The following BCAR3 variants were observed in gnomAD, a reference collection of about 807,000 sequenced individuals.
The protein encoded by BCAR3 is BCAR3 adaptor protein, NSP family member.
In BCAR3, 37 loss-of-function variants were observed where a neutral mutation model predicts 80.1. The ratio of observed to expected loss-of-function variants is 0.46; its 90% confidence interval spans 0.36 to 0.61. The LOEUF is 0.61. BCAR3 is among the 20% of genes least tolerant of loss of function. The pLI is 0.00. For synonymous variants in BCAR3, 389 were observed against 418.9 expected, an observed-to-expected ratio of 0.93 and a Z score of 0.87; for missense variants, 978 against 1,068.2, an observed-to-expected ratio of 0.92 and a Z score of 1.18.
At position 93,582,907 on chromosome 1, in the gene BCAR3, G is replaced by A. The variant is rs750760755; in HGVS notation, c.1080C>T (p.Cys360=). 1.2e-6 allele frequency: 2 copies of A among 1,605,528 alleles called. No individual in the cohort carries two copies. The highest frequency in any genetic ancestry group is 3.3e-5 in the Admixed American group (2 of 59,980). The part of the protein sequence containing the change: ...PQSSGVDTSP[C]PNSPVFRTGS... Reference sequence around the variant, plus strand: ...CCGTCCTGAACACAGGTGAGTTTGGGCAGGGGCTTGTGTCCACACCCGAGG... The same window carrying A: ...CCGTCCTGAACACAGGTGAGTTTGGACAGGGGCTTGTGTCCACACCCGAGG... The change falls in exon 7 of 12, where the codon TGC becomes TGT. Residue 360 remains cysteine, a synonymous_variant. Transcript: ENST00000260502.
At chr1:93,777,598 T>G (rs1037534726) in intron 2 of BCAR3, among the ~76,000 whole-genome samples, 6 of 151,974 alleles carry the variant, frequency 3.9e-5, no homozygotes, top group Non-Finnish European at 8.8e-5. Context: ...ATTTAAAATT[T>G]TTTTTTGTAG....
chr1:93,619,941 C>A (rs988133846), intron 3 of BCAR3, among the ~76,000 whole-genome samples: 1 of 152,188 alleles, frequency 6.6e-6, no homozygotes, highest in South Asian at 2.1e-4. Flanking sequence ...CTTCTCTGAG[C>A]CTTAGTTTCC....
intron 7 of BCAR3, among the ~76,000 whole-genome samples, chr1:93,578,278 C>T (rs1673539490): frequency 6.6e-6 from 1 of 152,206 alleles, no homozygotes; most frequent in Non-Finnish European, 1.5e-5. Flanking sequence ...ATGAGATTGC[C>T]TGGCTCCACT....
At chr1:93,790,701 G>C (rs1209043689) in intron 2 of BCAR3, among the ~76,000 whole-genome samples, 3 of 87,118 alleles carry the variant, frequency 3.4e-5, no homozygotes, top group African/African-American at 1.6e-4. Context: ...TGTGCACATT[G>C]TGCAGGTTAG....
chr1:93,702,013 G>C (rs1037233476), intron 3 of BCAR3, among the ~76,000 whole-genome samples: 4 of 152,264 alleles, frequency 2.6e-5, no homozygotes, highest in South Asian at 2.1e-4. Context: ...GGTGGGGTTG[G>C]GGGTGGACAC....
intron 2 of BCAR3, among the ~76,000 whole-genome samples, chr1:93,806,307 T>G (rs1416018915): frequency 6.6e-6 from 1 of 152,212 alleles, no homozygotes; most frequent in East Asian, 1.9e-4. Flanking sequence ...TGGTTGAGGC[T>G]TAAATATTCT....
At chr1:93,638,112 G>C (rs1675852081) in intron 3 of BCAR3, among the ~76,000 whole-genome samples, 2 of 152,212 alleles carry the variant, frequency 1.3e-5, no homozygotes, top group South Asian at 4.1e-4. Context: ...AGCCAGCTGT[G>C]GTGGCAGACG....
At chr1:93,797,170 C>A (rs1398587808) in intron 2 of BCAR3, among the ~76,000 whole-genome samples, 1 of 152,196 alleles carries the variant, frequency 6.6e-6, no homozygotes, top group Non-Finnish European at 1.5e-5. Flanking sequence ...TGAACCCATG[C>A]TTTTTCTGAT....
At chr1:93,783,664 T>C (rs1652842946) in intron 2 of BCAR3, among the ~76,000 whole-genome samples, 1 of 152,172 alleles carries the variant, frequency 6.6e-6, no homozygotes, top group Non-Finnish European at 1.5e-5. Flanking sequence ...GAAAAACATA[T>C]TCAGTATGGA....
chr1:93,643,916 G>A (rs1676075844), intron 2 of BCAR3, among the ~76,000 whole-genome samples: 1 of 152,136 alleles, frequency 6.6e-6, no homozygotes, highest in Admixed American at 6.6e-5. Context: ...TACATACTGA[G>A]GACTAAGCTC....
At chr1:93,613,987 G>A in intron 3 of BCAR3, 2 of 1,546,114 alleles carry the variant, frequency 1.3e-6, no homozygotes, top group South Asian at 1.2e-5. Context: ...AAGAAAGGGG[G>A]CTTCGGACGT....
chr1:93,687,394 G>A (rs1003228617), intron 3 of BCAR3, among the ~76,000 whole-genome samples: 4 of 152,110 alleles, frequency 2.6e-5, no homozygotes, highest in African/African-American at 4.8e-5. Context: ...TGCAAACTCC[G>A]TCTCTTGGGT....
intron 2 of BCAR3, among the ~76,000 whole-genome samples, chr1:93,653,665 C>CCTTAACAACAA (rs1557641204): frequency 6.6e-6 from 1 of 152,110 alleles, no homozygotes; most frequent in Non-Finnish European, 1.5e-5. Flanking sequence ...CTTAACAGAC[C>CCTTAACAACAA]CAACAAAGCT....
chr1:93,567,525 A>T (rs538669779), intron 10 of BCAR3, 34 bp from the exon 11 acceptor site: 2 of 1,604,552 alleles, frequency 1.2e-6, no homozygotes, highest in Admixed American at 3.4e-5. Flanking sequence ...TCCATATCAC[A>T]TGTTTTCCAA....
intron 2 of BCAR3, among the ~76,000 whole-genome samples, chr1:93,664,823 G>C (rs1287951335): frequency 1.3e-5 from 2 of 152,134 alleles, no homozygotes; most frequent in Admixed American, 1.3e-4. Context: ...GAATCATCAG[G>C]CTTCAGGCTG....
chr1:93,622,635 T>C (rs1024000947), intron 3 of BCAR3, among the ~76,000 whole-genome samples: 1 of 152,154 alleles, frequency 6.6e-6, no homozygotes, highest in African/African-American at 2.4e-5. Flanking sequence ...TTTTGTCACA[T>C]GGAAACACAA....
chr1:93,590,283 G>A (rs936840270), intron 4 of BCAR3: 3 of 152,334 alleles, frequency 2.0e-5, no homozygotes, highest in African/African-American at 7.2e-5. Context: ...GTGCAGCCTG[G>A]CTGTTCCTGT....
chr1:93,717,189 CCTAG>C (rs1650218658), intron 2 of BCAR3, among the ~76,000 whole-genome samples: 1 of 152,176 alleles, frequency 6.6e-6, no homozygotes, highest in Non-Finnish European at 1.5e-5. Flanking sequence ...GATGAGTCAT[CCTAG>C]CTGAGTAACC....
intron 2 of BCAR3, among the ~76,000 whole-genome samples, chr1:93,743,804 A>C (rs1651261697): frequency 6.6e-6 from 1 of 152,242 alleles, no homozygotes; most frequent in Non-Finnish European, 1.5e-5. Context: ...CTCTTTGTAT[A>C]AAGATCATAG....
Sources: gnomAD v4.1 joint callset for allele counts (sites outside exome capture counted in the v4.1 genomes callset) on GRCh38, gnomAD v4.1.1 for gene constraint, MANE v1.5 for transcripts, NCBI Gene and HGNC (gene_info 2026-07-23, HGNC 2026-07-21) for gene names.